The following DNAH5 variants were observed in gnomAD, a reference collection of about 807,000 sequenced individuals.
DNAH5 encodes the protein dynein axonemal heavy chain 5.
A neutral mutation model predicts 518.2 loss-of-function variants in DNAH5; 372 were observed. The observed-to-expected ratio is 0.72, with a 90% CI of 0.66 to 0.78. DNAH5 has a LOEUF of 0.78. DNAH5 is among the 30% of genes least tolerant of loss of function. DNAH5 has a pLI of 0.00. For missense variants in DNAH5, 5,523 were observed against 5,687.0 expected (o/e 0.97, Z 0.93); for synonymous variants, 2,039 against 2,025.9 (o/e 1.01, Z -0.17).
At position 13,751,443 on chromosome 5, in the gene DNAH5, A is replaced by G. The variant is rs547406626; in HGVS notation, c.11029-183T>C. Among the ~76,000 whole-genome samples the G allele has an allele frequency of 1.4e-4, 21 of 152,266 alleles. 1 individual carries two copies. The highest frequency in any genetic ancestry group is 5.1e-4 in the African/African-American group (21 of 41,552). On this transcript the variant is annotated intron_variant, in intron 64 of 78. Coordinates refer to ENST00000265104, the MANE Select transcript of DNAH5 (RefSeq NM_001369.3). ...CAACTAGGATGAAAGAAAGGAAGCA[A>G]AGAAGGATGGGAGGAAGAAACATAT...
chr5:13,729,430 C>A lies in DNAH5; in HGVS notation c.11883+9G>T. 6.2e-7 allele frequency: 1 copy of A among 1,613,802 alleles called. No homozygotes were observed. The highest frequency in any genetic ancestry group is 8.5e-7 in the Non-Finnish European group (1 of 1,179,802). ...GACATCAGCTTAAGTTGATTCAAAG[C>A]ACAGTTACCTGGTCAAGGACATCTG... On this transcript the variant is annotated intron_variant, in intron 69 of 78. Coordinates refer to ENST00000265104, the MANE Select transcript of DNAH5 (RefSeq NM_001369.3).
intron 70 of DNAH5, among the ~76,000 whole-genome samples, chr5:13,724,752 A>C (rs778915188): frequency 1.4e-4 from 21 of 151,968 alleles, no homozygotes; most frequent in Non-Finnish European, 2.9e-4. Flanking sequence ...TGGTTGTTTA[A>C]AAGTATGCAG....
Position 13,721,055 on chromosome 5 carries a change from A to G in DNAH5, c.12224T>C (p.Met4075Thr). ...AGCATGGACTTCCTGGCCCTGGCCC[A>G]TGGACACATAACGGGTTTCTATTTT... ...RLKIETRYVS[M>T]GQGQEVHARK... is the part of the protein sequence containing the mutation. The change falls in exon 71 of 79, where the codon ATG (methionine) becomes ACG (threonine). Residue 4075 changes from methionine to threonine, a missense_variant. Coordinates refer to ENST00000265104, the MANE Select transcript of DNAH5 (RefSeq NM_001369.3). The G allele has an allele frequency of 2.5e-6, 4 of 1,614,148 alleles. No homozygotes were observed. The highest frequency in any genetic ancestry group is 3.4e-6 in the Non-Finnish European group (4 of 1,179,988).
chr5:13,897,903 T>G (rs1331750467), intron 15 of DNAH5: 1 of 152,186 alleles, frequency 6.6e-6, no homozygotes, highest in African/African-American at 2.4e-5. Context: ...CATCTGAGGC[T>G]ATTATAAAGA....
chr5:13,895,727 A>T (rs1301152325), intron 15 of DNAH5, among the ~76,000 whole-genome samples: 1 of 152,018 alleles, frequency 6.6e-6, no homozygotes, highest in East Asian at 1.9e-4. Context: ...CTCACTCCTG[A>T]AAGTCTAGAT....
rs772086715 is a variant in DNAH5 at position 13,692,139 on chromosome 5, C to T, written c.13724-4G>A. 1 of 1,613,794 alleles carries T rather than the reference C, an allele frequency of 6.2e-7. No individual in the cohort carries two copies. Among genetic ancestry groups the T allele is most frequent in the Non-Finnish European group, 8.5e-7 (1 of 1,179,876 alleles). ...TAAAACCGAGGATCTCGTAAAGCTA[C>T]AAAAAACATAAAAGAAAAGAACTTG... On this transcript the variant is annotated splice_polypyrimidine_tract_variant and splice_region_variant and intron_variant, in intron 78 of 78. Coordinates refer to ENST00000265104, the MANE Select transcript of DNAH5 (RefSeq NM_001369.3).
At chr5:13,739,253 G>A (rs1279955842) in intron 65 of DNAH5, among the ~76,000 whole-genome samples, 1 of 152,188 alleles carries the variant, frequency 6.6e-6, no homozygotes, top group Non-Finnish European at 1.5e-5. Context: ...CAAGTGTCAA[G>A]GGTGGCACCA....
intron 26 of DNAH5, 90 bp downstream of exon 26, chr5:13,866,130 C>T (rs1769207888): frequency 4.2e-6 from 5 of 1,186,086 alleles, no homozygotes; most frequent in Admixed American, 1.9e-5. Context: ...CACAATAGGG[C>T]CCTCTATCTT....
chr5:13,900,958 A>C (rs1362582534), intron 14 of DNAH5, among the ~76,000 whole-genome samples: 1 of 152,274 alleles, frequency 6.6e-6, no homozygotes, highest in Non-Finnish European at 1.5e-5. Context: ...ACTGAATTTT[A>C]AAAAGCAAGA....
chr5:13,851,699 C>A (rs918784664), intron 30 of DNAH5, among the ~76,000 whole-genome samples: 3 of 152,024 alleles, frequency 2.0e-5, no homozygotes, highest in African/African-American at 7.3e-5. Flanking sequence ...ACACCTAGCA[C>A]CTTAAATATT....
rs760127558 is a variant in DNAH5, at chr5:13,780,931, C to T, written c.8849G>A (p.Gly2950Glu). The T allele has an allele frequency of 2.5e-6, 4 of 1,613,740 alleles. No homozygotes were observed. The South Asian group carries it at 4.4e-5, about 18-fold the overall frequency. ...KISRVIRTPQGNALLVGVGGS... is the reference protein window; with the variant it reads ...KISRVIRTPQENALLVGVGGS... Reference sequence around the variant, plus strand: ...GCCCACCCCGACCAGGAGGGCATTTCCCTGAGGAGTACGAATGACACGAGA... The same window carrying T: ...GCCCACCCCGACCAGGAGGGCATTTTCCTGAGGAGTACGAATGACACGAGA... Residue 2950 changes from glycine (G) to glutamate (E), a missense_variant, in exon 53 of 79, where the codon GGA becomes GAA. Physicochemically the swap from Gly to Glu is moderately conservative, Grantham distance 98. This residue lies in a region of DNAH5 where 5,121 missense variants were observed against 5,223.3 expected (regional missense o/e 0.98). Coordinates refer to ENST00000265104, the MANE Select transcript of DNAH5 (RefSeq NM_001369.3).
chr5:13,734,066 C>T (rs1746996234), intron 68 of DNAH5, among the ~76,000 whole-genome samples: 1 of 152,014 alleles, frequency 6.6e-6, no homozygotes, highest in African/African-American at 2.4e-5. Flanking sequence ...GAGGTGAGGC[C>T]ATTGAGACAT....
chr5:13,995,631 T>TA (rs1010460885), intron 1 of DNAH5, among the ~76,000 whole-genome samples: 15 of 151,156 alleles, frequency 9.9e-5, no homozygotes, highest in African/African-American at 3.6e-4. Context: ...AAATCCAGGT[T>TA]AAAAAAAAAG....
intron 41 of DNAH5, 42 bp from the exon 42 acceptor site, chr5:13,817,736 A>C (rs1761638585): frequency 1.2e-6 from 2 of 1,601,616 alleles, no homozygotes; most frequent in East Asian, 2.2e-5. Context: ...TCAGATGGGA[A>C]GTGAACCATC....
At position 13,769,747 on chromosome 5, in the gene DNAH5, G is replaced by C. The variant is rs567706358; in HGVS notation, c.9606-132C>G. On this transcript the variant is annotated intron_variant, in intron 56 of 78. Coordinates refer to ENST00000265104, the MANE Select transcript of DNAH5 (RefSeq NM_001369.3). ...ATGTATGCAAGTAGCAAACCCAAGA[G>C]GGCTTAGCAAAAAGGATACAGATCC... 4 of 774,662 alleles carry C rather than the reference G, an allele frequency of 5.2e-6. No homozygotes were observed. In the South Asian group the frequency reaches 5.6e-5, roughly 11 times the overall value. 48.0% of individuals were successfully genotyped at this position (774,662 alleles called of 1,614,324 possible).
chr5:13,725,508 T>C (rs1196018964), intron 70 of DNAH5, among the ~76,000 whole-genome samples: 1 of 152,228 alleles, frequency 6.6e-6, no homozygotes, highest in Non-Finnish European at 1.5e-5. Flanking sequence ...AACACCCCAC[T>C]GTGGAGTGCT....
chr5:13,884,887 C>A (rs1318730726), intron 19 of DNAH5, 102 bp downstream of exon 19: 11 of 1,478,806 alleles, frequency 7.4e-6, no homozygotes, highest in South Asian at 1.3e-5. Context: ...TTAAATTTAA[C>A]AGGAATGTAC....
intron 42 of DNAH5, among the ~76,000 whole-genome samples, chr5:13,816,392 T>G (rs1761444115): frequency 6.6e-6 from 1 of 152,184 alleles, no homozygotes; most frequent in African/African-American, 2.4e-5. Flanking sequence ...TTCTAAATTT[T>G]CTTTGCTATG....
Position 13,891,007 on chromosome 5 carries a change from A to G in DNAH5, c.2546T>C (p.Leu849Pro), listed in dbSNP as rs1773145952. The G allele has an allele frequency of 1.9e-6, 3 of 1,614,202 alleles. No homozygotes were observed. Among genetic ancestry groups the G allele is most frequent in the Non-Finnish European group, 2.5e-6 (3 of 1,180,008 alleles). Residue 849 changes from leucine (L) to proline (P), a missense_variant, in exon 17 of 79, where the codon CTA becomes CCA. Leu to Pro is a moderately conservative substitution (Grantham distance 98). Transcript: ENST00000265104. ...CATTTGGAGAAACTCTTCACAGGTTAGTGGCTCCTCCTGGGGAAGCTGACA... is the reference window on the plus strand; with the variant it reads ...CATTTGGAGAAACTCTTCACAGGTTGGTGGCTCCTCCTGGGGAAGCTGACA... ...PLCQLPQEEP[L>P]TCEEFLQMTK...
Sources: allele counts gnomAD v4.1 joint callset (sites outside exome capture counted in the v4.1 genomes callset), GRCh38; gene constraint gnomAD v4.1.1; regional missense constraint gnomAD v4.1.1; transcripts MANE v1.5; gene names NCBI Gene and HGNC (gene_info 2026-07-23, HGNC 2026-07-21).